Variants in CFI observed in about 807,000 individuals in gnomAD.
CFI encodes C3B/C4B inactivator.
Under a neutral mutation model 78.8 loss-of-function variants are expected in CFI, and 66 were observed. That is an observed-to-expected ratio of 0.84 (90% CI 0.69 to 1.03). The LOEUF (loss-of-function observed/expected upper bound fraction) is 1.03. Ranked by LOEUF, CFI falls within the 50% of genes least tolerant of loss-of-function variation. The probability of loss-of-function intolerance (pLI) is 0.00; values close to 1 mark genes in which losing one functional copy is unlikely to be tolerated. For missense variants in CFI, 706 were observed against 704.5 expected, an observed-to-expected ratio of 1.00 and a Z score of -0.02; for synonymous variants, 250 against 232.6, an observed-to-expected ratio of 1.07 and a Z score of -0.68.
At chr4:109,750,592 A>G (rs570359564) in intron 8 of CFI, among the ~76,000 whole-genome samples, 1 of 152,324 alleles carries the variant, frequency 6.6e-6, no homozygotes, top group South Asian at 2.1e-4. Context: ...AAAACACGGT[A>G]GAGCAAAGTT....
rs79507523 is a variant in CFI, at chr4:109,770,860, A to C, written c.58-4036T>G. Among the ~76,000 whole-genome samples the C allele has an allele frequency of 5.4e-3, 821 of 152,284 alleles. 7 individuals carry two copies. The highest frequency in any genetic ancestry group is 0.019 in the African/African-American group (777 of 41,560). On this transcript the variant is annotated intron_variant, in intron 1 of 12. Coordinates refer to ENST00000394634, the MANE Select transcript of CFI (RefSeq NM_000204.5). Reference sequence around the variant, plus strand: ...AGCTAAGCCCCACAGAACCCCAGAAAAGCTTAGGAACTGGGGGACCTAGTA... The same window carrying C: ...AGCTAAGCCCCACAGAACCCCAGAACAGCTTAGGAACTGGGGGACCTAGTA...
chr4:109,794,438 T>G (rs896085083), intron 1 of CFI: 2 of 152,174 alleles, frequency 1.3e-5, no homozygotes, highest in Admixed American at 6.5e-5. Context: ...ATTAGAAAAT[T>G]TTTCATGTTT....
chr4:109,759,434 T>C (rs1579213038), intron 6 of CFI, among the ~76,000 whole-genome samples: 2 of 152,142 alleles, frequency 1.3e-5, no homozygotes, highest in African/African-American at 2.4e-5. Flanking sequence ...TTGAGAAAAT[T>C]TGAACATGGC....
intron 1 of CFI, among the ~76,000 whole-genome samples, chr4:109,791,637 C>T (rs1046778552): frequency 1.3e-5 from 2 of 152,068 alleles, no homozygotes; most frequent in East Asian, 3.9e-4. Flanking sequence ...AAGAAGGGGT[C>T]CAGTTTCAAT....
intron 1 of CFI, among the ~76,000 whole-genome samples, chr4:109,800,144 G>A (rs1732577904): frequency 6.6e-6 from 1 of 151,934 alleles, no homozygotes; most frequent in South Asian, 2.1e-4. Flanking sequence ...CTTGTTTCCA[G>A]GATGTTGTCA....
chr4:109,779,848 A>G (rs1052715657), intron 1 of CFI, among the ~76,000 whole-genome samples: 31 of 152,162 alleles, frequency 2.0e-4, no homozygotes, highest in African/African-American at 7.5e-4. Flanking sequence ...CAACCATCTG[A>G]TCTTTGACAA....
chr4:109,752,978 TGA>T (rs1561292079), intron 7 of CFI, among the ~76,000 whole-genome samples: 9 of 88,738 alleles, frequency 1.0e-4, no homozygotes, highest in South Asian at 5.9e-4. Context: ...ATTTATTATA[TGA>T]ATAAATATTT....
chr4:109,783,559 C>T (rs1730333959), intron 1 of CFI, among the ~76,000 whole-genome samples: 1 of 151,904 alleles, frequency 6.6e-6, no homozygotes, highest in Non-Finnish European at 1.5e-5. Context: ...TCAGGGAACA[C>T]TTCTACACTG....
At chr4:109,776,731 G>T (rs555847726) in intron 1 of CFI, among the ~76,000 whole-genome samples, 27 of 152,202 alleles carry the variant, frequency 1.8e-4, no homozygotes. Context: ...AGAAAGGTGG[G>T]GTTACCCACA....
chr4:109,747,169 C>A (rs182077579), intron 10 of CFI, among the ~76,000 whole-genome samples: 1 of 152,012 alleles, frequency 6.6e-6, no homozygotes, highest in Non-Finnish European at 1.5e-5. Context: ...ATTTTCATAT[C>A]AAGTTTCTTT....
intron 1 of CFI, among the ~76,000 whole-genome samples, chr4:109,797,064 G>C (rs1560570550): frequency 6.6e-6 from 1 of 152,098 alleles, no homozygotes; most frequent in Non-Finnish European, 1.5e-5. Flanking sequence ...TACAGAAATA[G>C]AAAATATAAT....
intron 1 of CFI, among the ~76,000 whole-genome samples, chr4:109,769,715 A>C (rs1728317783): frequency 6.6e-6 from 1 of 152,132 alleles, no homozygotes; most frequent in Admixed American, 6.5e-5. Flanking sequence ...CAACAGTACT[A>C]GCCCGTTTCT....
chr4:109,765,495 A>G (rs892231280), intron 2 of CFI, among the ~76,000 whole-genome samples: 30 of 152,174 alleles, frequency 2.0e-4, no homozygotes, highest in African/African-American at 7.0e-4. Context: ...CAACTTAGAA[A>G]CTTCACATTT....
At chr4:109,796,736 T>G (rs1212236265) in intron 1 of CFI, among the ~76,000 whole-genome samples, 1 of 152,208 alleles carries the variant, frequency 6.6e-6, no homozygotes, top group African/African-American at 2.4e-5. Flanking sequence ...AGGCGAAGAC[T>G]GCAGTGGGCT....
intron 1 of CFI, among the ~76,000 whole-genome samples, chr4:109,783,273 T>A (rs1407082455): frequency 1.3e-5 from 2 of 152,064 alleles, no homozygotes; most frequent in Non-Finnish European, 2.9e-5. Context: ...CTTCACAATC[T>A]TTACATCTGA....
At chr4:109,751,915 C>T (rs1031690996) in intron 8 of CFI, among the ~76,000 whole-genome samples, 1 of 152,146 alleles carries the variant, frequency 6.6e-6, no homozygotes, top group East Asian at 1.9e-4. Context: ...ATAGCTAATA[C>T]ATAACTGAGT....
At chr4:109,789,127 A>G (rs1365082096) in intron 1 of CFI, among the ~76,000 whole-genome samples, 1 of 151,994 alleles carries the variant, frequency 6.6e-6, no homozygotes, top group Non-Finnish European at 1.5e-5. Flanking sequence ...GGGAAACTTA[A>G]AGACATATCA....
In CFI at chr4:109,741,038, T is replaced by C. The variant is rs1357609555; in HGVS notation, c.1607A>G (p.Asn536Ser). The C allele has an allele frequency of 3.1e-6, 5 of 1,614,222 alleles. No homozygotes were observed. Among genetic ancestry groups the C allele is most frequent in the Middle Eastern group, 1.7e-4 (1 of 6,060 alleles). The change falls in exon 13 of 13, where the codon AAT becomes AGT. Residue 536 changes from asparagine (N) to serine (S), a missense_variant. Physicochemically the swap from Asn to Ser is conservative, Grantham distance 46. Transcript: ENST00000394634. ...GGPLVCMDAN[N>S]VTYVWGVVSW... ...CACAACACCCCAGACATAAGTCACA[T>C]TGTTGGCATCCATACAGACTAAGGG...
intron 7 of CFI, among the ~76,000 whole-genome samples, chr4:109,757,326 G>A (rs1283630644): frequency 2.0e-5 from 3 of 151,962 alleles, no homozygotes; most frequent in African/African-American, 7.3e-5. Flanking sequence ...AAGCCACCGC[G>A]CCCGGCAGTT....
Sources: gnomAD v4.1 joint callset for allele counts (sites outside exome capture counted in the v4.1 genomes callset) on GRCh38, gnomAD v4.1.1 for gene constraint, MANE v1.5 for transcripts, NCBI Gene and HGNC (gene_info 2026-07-23, HGNC 2026-07-21) for gene names.